The following SMIM41 variants were observed in gnomAD, a reference collection of about 807,000 sequenced individuals.
SMIM41 encodes small integral membrane protein 41.
chr12:52,104,214 C>T (rs1315309554), intron 2 of SMIM41: 1 of 152,182 alleles, frequency 6.6e-6, no homozygotes, highest in Non-Finnish European at 1.5e-5. Flanking sequence ...ACTCACTTTT[C>T]TCTTCTTCTT....
At chr12:52,096,814 C>T (rs749649127) in intron 2 of SMIM41, among the ~76,000 whole-genome samples, 23 of 151,758 alleles carry the variant, frequency 1.5e-4, no homozygotes, top group Admixed American at 5.2e-4. Context: ...CGTAATATTG[C>T]GACATTCCTC....
At chr12:52,100,909 G>A (rs561505881) in intron 2 of SMIM41, among the ~76,000 whole-genome samples, 150 of 151,922 alleles carry the variant, frequency 9.9e-4, no homozygotes, top group Non-Finnish European at 1.8e-3. Context: ...CTAAAGTTTC[G>A]CATTCTGAGA....
chr12:52,086,245 C>T (rs576737420), intron 2 of SMIM41, among the ~76,000 whole-genome samples: 2 of 152,138 alleles, frequency 1.3e-5, no homozygotes, highest in South Asian at 2.1e-4. Flanking sequence ...GAGAGGGGAC[C>T]TGCAGCCTGG....
At chr12:52,088,588 G>A (rs1202952480) in intron 2 of SMIM41, among the ~76,000 whole-genome samples, 2 of 152,210 alleles carry the variant, frequency 1.3e-5, no homozygotes, top group Non-Finnish European at 2.9e-5. Flanking sequence ...CACAGCCAGT[G>A]CGTCACCAAA....
intron 1 of SMIM41, among the ~76,000 whole-genome samples, chr12:52,080,554 G>A (rs1372644125): frequency 6.6e-6 from 1 of 152,170 alleles, no homozygotes; most frequent in Non-Finnish European, 1.5e-5. Flanking sequence ...TGCTTTGGGG[G>A]CTTCTTCCCT....
intron 2 of SMIM41, among the ~76,000 whole-genome samples, chr12:52,092,871 A>G (rs1490934398): frequency 6.6e-6 from 1 of 152,208 alleles, no homozygotes; most frequent in Non-Finnish European, 1.5e-5. Context: ...AAACTCTTTT[A>G]AAGAGTGATT....
chr12:52,087,565 ATCT>A (rs1341842141), intron 2 of SMIM41: 2 of 152,452 alleles, frequency 1.3e-5, no homozygotes, highest in African/African-American at 4.8e-5. Context: ...CTTCTCACAG[ATCT>A]CCTCCTGCTC....
intron 2 of SMIM41, among the ~76,000 whole-genome samples, chr12:52,100,390 C>T (rs546931909): frequency 6.6e-6 from 1 of 152,272 alleles, no homozygotes; most frequent in South Asian, 2.1e-4. Context: ...TACTCTCCTT[C>T]CCTGGATATT....
intron 2 of SMIM41, among the ~76,000 whole-genome samples, chr12:52,088,934 C>T (rs1939937644): frequency 6.6e-6 from 1 of 151,984 alleles, no homozygotes; most frequent in African/African-American, 2.4e-5. Flanking sequence ...GCTGTGCCCA[C>T]CCCTCTGCCA....
intron 2 of SMIM41, among the ~76,000 whole-genome samples, chr12:52,089,096 G>A (rs1939940321): frequency 6.6e-6 from 1 of 151,964 alleles, no homozygotes; most frequent in South Asian, 2.1e-4. Context: ...CCCTGCCCCT[G>A]TGCTGCCTGC....
At chr12:52,080,443 C>G (rs1440372731) in intron 1 of SMIM41, among the ~76,000 whole-genome samples, 2 of 152,190 alleles carry the variant, frequency 1.3e-5, no homozygotes, top group Non-Finnish European at 2.9e-5. Flanking sequence ...TTAAGTGTTC[C>G]AGCCTTATGT....
intron 2 of SMIM41, among the ~76,000 whole-genome samples, chr12:52,094,131 C>CA (rs1693340900): frequency 1.3e-4 from 1 of 7,780 alleles, no homozygotes; most frequent in African/African-American, 6.9e-4. Flanking sequence ...ACTCCATCTC[C>CA]GGAAAAAAAA....
rs1939790249 is a variant in SMIM41 at position 52,079,768 on chromosome 12, C to T, written c.-12C>T. ...GGCGATCCCGCCACATCTGGGCAGCCGGCGCTGGAGCATGAACGGCTCTCA... is the reference window on the plus strand; with the variant it reads ...GGCGATCCCGCCACATCTGGGCAGCTGGCGCTGGAGCATGAACGGCTCTCA... On this transcript the variant is annotated 5_prime_UTR_variant, in exon 1 of 3. Transcript: ENST00000546390. The T allele has an allele frequency of 2.5e-6, 1 of 393,098 alleles. No homozygotes were observed. The highest frequency in any genetic ancestry group is 3.6e-5 in the East Asian group (1 of 27,618). 24.4% of individuals were successfully genotyped at this position (393,098 alleles called of 1,614,324 possible).
At chr12:52,090,487 C>A (rs1939980683) in intron 2 of SMIM41, among the ~76,000 whole-genome samples, 1 of 151,964 alleles carries the variant, frequency 6.6e-6, no homozygotes, top group South Asian at 2.1e-4. Context: ...GTGCTGAGAC[C>A]CAGAGGAAGG....
At chr12:52,106,474 C>T (rs1046303644) in intron 2 of SMIM41, among the ~76,000 whole-genome samples, 13 of 152,192 alleles carry the variant, frequency 8.5e-5, no homozygotes, top group Non-Finnish European at 1.3e-4. Context: ...TCCTGAGTAG[C>T]TGGGACTACA....
At chr12:52,082,936 G>T (rs2120648241) in intron 1 of SMIM41, among the ~76,000 whole-genome samples, 1 of 152,246 alleles carries the variant, frequency 6.6e-6, no homozygotes, top group East Asian at 1.9e-4. Flanking sequence ...GCCACCTTCA[G>T]CCCATTCTTG....
At chr12:52,080,879 G>T (rs1368335052) in intron 1 of SMIM41, among the ~76,000 whole-genome samples, 1 of 152,284 alleles carries the variant, frequency 6.6e-6, no homozygotes, top group Admixed American at 6.5e-5. Context: ...CGTGGGGAGG[G>T]GGTGGTGAAG....
rs1173057236 is a variant in SMIM41 at position 52,100,622 on chromosome 12, A to ATTT, written c.*196-6737_*196-6735dup. Among the ~76,000 whole-genome samples the ATTT allele has an allele frequency of 3.4e-3, 383 of 111,110 alleles. 5 individuals are homozygous for ATTT. The highest frequency in any genetic ancestry group is 0.011 in the African/African-American group (303 of 28,786). 72.9% of individuals were successfully genotyped at this position (111,110 alleles called of 152,430 possible). A position where few individuals can be genotyped will look rare whatever the true frequency, so the allele number is the denominator to read the frequency against. The stretch of plus-strand genomic sequence containing the variant: ...CAGGCATGCGCTACCGCGCCCAGCT[A>ATTT]TTTTTTTTTTTTTTTTTTTTTTGTA... On this transcript the variant is annotated intron_variant, in intron 2 of 2. Transcript: ENST00000546390.
intron 2 of SMIM41, among the ~76,000 whole-genome samples, chr12:52,105,940 G>C (rs2004604): frequency 0.19 from 29,336 of 151,094 alleles, 4,016 homozygotes; most frequent in African/African-American, 0.39. Flanking sequence ...GAGTTGATTT[G>C]TAGTTGATCC....
Sources: allele counts gnomAD v4.1 joint callset (sites outside exome capture counted in the v4.1 genomes callset), GRCh38; gene constraint gnomAD v4.1.1; transcripts MANE v1.5; gene names NCBI Gene and HGNC (gene_info 2026-07-23, HGNC 2026-07-21).